The following TCP1 variants were observed in gnomAD, a reference collection of about 807,000 sequenced individuals.
The protein encoded by TCP1 is t-complex 1, also known as T-complex protein 1 subunit alpha.
Under a neutral mutation model 54.7 loss-of-function variants are expected in TCP1, and 6 were observed. The ratio of observed to expected loss-of-function variants is 0.11; its 90% CI spans 0.06 to 0.22. The LOEUF (loss-of-function observed/expected upper bound fraction) is 0.22, where lower values mean the gene tolerates loss of function less well. TCP1 is among the 10% of genes least tolerant of loss of function. The pLI is 1.00. For synonymous variants in TCP1, 225 were observed against 229.7 expected, an observed-to-expected ratio of 0.98 and a Z score of 0.19; for missense variants, 511 against 678.2, an observed-to-expected ratio of 0.75 and a Z score of 2.74.
At chr6:159,789,384 C>A (rs1262279851) in intron 1 of TCP1, 21 bp downstream of exon 1, 1 of 1,613,458 alleles carries the variant, frequency 6.2e-7, no homozygotes, top group East Asian at 2.2e-5. Flanking sequence ...CAAACCCGAC[C>A]CAGGCCCGGC....
At chr6:159,789,083 T>TG (rs1044215020) in intron 1 of TCP1, 5 of 379,274 alleles carry the variant, frequency 1.3e-5, no homozygotes, top group African/African-American at 8.6e-5. Flanking sequence ...CAAAAGGGGG[T>TG]GCGAGGCGTG....
chr6:159,783,816 C>G, intron 7 of TCP1, 125 bp downstream of exon 7: 1 of 1,317,860 alleles, frequency 7.6e-7, no homozygotes, highest in South Asian at 1.5e-5. Context: ...TGTATAACCC[C>G]AAATCCCTCT....
In TCP1 at chr6:159,779,066, G is replaced by A. The variant is rs1583135990; in HGVS notation, c.1650C>T (p.His550=). Reference sequence around the variant, plus strand: ...CAGATCAATCATTAAGGGCTCCAGAGTGAACAGCATCTTCATAACTTCCAT... The same window carrying A: ...CAGATCAATCATTAAGGGCTCCAGAATGAACAGCATCTTCATAACTTCCAT... ...DKHGSYEDAV[H]SGALND is the part of the protein sequence containing the mutation. The change falls in exon 12 of 12, where the codon CAC becomes CAT. Residue 550 remains histidine, a synonymous_variant. Coordinates refer to ENST00000321394, the MANE Select transcript of TCP1 (RefSeq NM_030752.3). 6.2e-7 allele frequency: 1 copy of A among 1,613,964 alleles called. No individual in the cohort carries two copies. The highest frequency in any genetic ancestry group is 8.5e-7 in the Non-Finnish European group (1 of 1,179,854).
chr6:159,789,078 G>A lies in TCP1; in HGVS notation c.64+327C>T, dbSNP rs1375143077. The A allele has an allele frequency of 3.0e-5, 11 of 369,744 alleles. No individual in the cohort carries two copies. The East Asian group carries it at 4.4e-4, about 15-fold the overall frequency. 22.9% of individuals were successfully genotyped at this position (369,744 alleles called of 1,614,324 possible). A position where few individuals can be genotyped will look rare whatever the true frequency, so the allele number is the denominator to read the frequency against. On this transcript the variant is annotated intron_variant, in intron 1 of 11. Coordinates refer to ENST00000321394, the MANE Select transcript of TCP1 (RefSeq NM_030752.3). ...CTCAGGGGGTCGCCCTGAAACAAAA[G>A]GGGGTGCGAGGCGTGGCCCGCACGT...
intron 3 of TCP1, among the ~76,000 whole-genome samples, chr6:159,786,797 G>A (rs1780707602): frequency 6.6e-6 from 1 of 152,140 alleles, no homozygotes; most frequent in South Asian, 2.1e-4. Flanking sequence ...CCAAACAATA[G>A]TGTTTCTACT....
At chr6:159,786,091 C>G in intron 3 of TCP1, 94 bp from the exon 4 acceptor site, 2 of 958,434 alleles carry the variant, frequency 2.1e-6, no homozygotes, top group Non-Finnish European at 3.2e-6. Context: ...TATTATTAAC[C>G]AAAATGGTAG....
intron 1 of TCP1, chr6:159,789,180 G>T: frequency 3.8e-6 from 2 of 526,854 alleles, no homozygotes; most frequent in South Asian, 5.3e-5. Flanking sequence ...ACGCGTTGCC[G>T]GTCTCAAAAC....
At chr6:159,787,939 T>C (rs1282067532) in intron 2 of TCP1, 68 bp from the exon 3 acceptor site, 5 of 1,607,834 alleles carry the variant, frequency 3.1e-6, no homozygotes, top group Non-Finnish European at 4.3e-6. Context: ...ATAATACACG[T>C]TCACCTTTAA....
chr6:159,788,043 G>A lies in TCP1; in HGVS notation c.150+15C>T, dbSNP rs765288094. On this transcript the variant is annotated intron_variant, in intron 2 of 11. Transcript: ENST00000321394. Reference sequence around the variant, plus strand: ...TTACTTTAAGGAAACTAACACAACAGTTATGTGTACTTACACCAATATCAT... The same window carrying A: ...TTACTTTAAGGAAACTAACACAACAATTATGTGTACTTACACCAATATCAT... The A allele has an allele frequency of 6.2e-7, 1 of 1,612,338 alleles. No homozygotes were observed. The highest frequency in any genetic ancestry group is 8.5e-7 in the Non-Finnish European group (1 of 1,178,502).
At chr6:159,789,319 G>A (rs1192401824) in intron 1 of TCP1, 86 bp downstream of exon 1, 16 of 1,521,472 alleles carry the variant, frequency 1.1e-5, no homozygotes, top group African/African-American at 1.4e-5. Flanking sequence ...AGGTAAAGGA[G>A]AGAAACGAGG....
chr6:159,778,948 CAA>C lies in TCP1; in HGVS notation c.*95_*96del. The stretch of plus-strand genomic sequence containing the variant: ...AACCATTTCCTACATCACAAAAACC[CAA>C]GTTTACAGCTTGTACTTTACTTTAA... On this transcript the variant is annotated 3_prime_UTR_variant, in exon 12 of 12. Coordinates refer to ENST00000321394, the MANE Select transcript of TCP1 (RefSeq NM_030752.3). 1 of 1,558,292 alleles carries C rather than the reference CAA, an allele frequency of 6.4e-7. No individual in the cohort carries two copies. Among genetic ancestry groups the C allele is most frequent in the Non-Finnish European group, 8.7e-7 (1 of 1,145,912 alleles).
Position 159,789,512 on chromosome 6 carries a change from C to A in TCP1, c.-44G>T, listed in dbSNP as rs779849167. The A allele has an allele frequency of 1.9e-6, 3 of 1,611,722 alleles. No individual in the cohort carries two copies. The highest frequency in any genetic ancestry group is 1.7e-5 in the Admixed American group (1 of 59,980). On this transcript the variant is annotated 5_prime_UTR_variant, in exon 1 of 12. Coordinates refer to ENST00000321394, the MANE Select transcript of TCP1 (RefSeq NM_030752.3). ...CGTCGAATTCTGCTTACACCGCGGG[C>A]AACCAGTATCGCGGCCCCTCGGCCG... is the stretch of plus-strand genomic sequence containing the variant.
chr6:159,784,603 CAA>C, intron 6 of TCP1, 61 bp downstream of exon 6: 1 of 1,558,256 alleles, frequency 6.4e-7, no homozygotes, highest in Non-Finnish European at 8.7e-7. Flanking sequence ...CGCGCCCAGC[CAA>C]AAGAAAAGCT....
chr6:159,778,591 G>A lies in TCP1; in HGVS notation c.*454C>T. 2.0e-6 allele frequency: 3 copies of A among 1,538,140 alleles called. No individual in the cohort carries two copies. The highest frequency in any genetic ancestry group is 2.7e-6 in the Non-Finnish European group (3 of 1,126,444). The stretch of plus-strand genomic sequence containing the variant: ...CATGCTGATACATTAAGAGGAAAAA[G>A]ACAAGTTTAAGATTTTAAACTGTGT... On this transcript the variant is annotated 3_prime_UTR_variant, in exon 12 of 12. Transcript: ENST00000321394.
chr6:159,780,213 C>T (rs1348056465), intron 9 of TCP1, 126 bp from the exon 10 acceptor site: 4 of 1,283,810 alleles, frequency 3.1e-6, no homozygotes, highest in Non-Finnish European at 4.5e-6. Flanking sequence ...CCCTTAAGTC[C>T]TGCCTACACA....
chr6:159,784,516 G>A (rs1255161268), intron 6 of TCP1, 150 bp downstream of exon 6: 1 of 766,850 alleles, frequency 1.3e-6, no homozygotes, highest in Non-Finnish European at 2.0e-6. Flanking sequence ...ATATTGGACA[G>A]GCTGCTCTCA....
intron 1 of TCP1, 65 bp downstream of exon 1, chr6:159,789,340 T>A: frequency 1.3e-6 from 2 of 1,589,822 alleles, no homozygotes; most frequent in Non-Finnish European, 1.7e-6. Flanking sequence ...GCAGCCGGGG[T>A]CCGGTCGCGG....
intron 5 of TCP1, 107 bp from the exon 6 acceptor site, chr6:159,784,954 T>A: frequency 1.8e-6 from 2 of 1,131,146 alleles, no homozygotes; most frequent in Non-Finnish European, 2.6e-6. Flanking sequence ...TCTAATCTAT[T>A]AAAGCAGCAA....
At chr6:159,781,175 A>C in intron 7 of TCP1, 65 bp from the exon 8 acceptor site, 2 of 1,330,442 alleles carry the variant, frequency 1.5e-6, no homozygotes, top group Non-Finnish European at 2.0e-6. Flanking sequence ...AACTTCCATT[A>C]AGTATTTATC....
Sources: gnomAD v4.1 joint callset for allele counts (sites outside exome capture counted in the v4.1 genomes callset) on GRCh38, gnomAD v4.1.1 for gene constraint, MANE v1.5 for transcripts, NCBI Gene and HGNC (gene_info 2026-07-23, HGNC 2026-07-21) for gene names.